Variants in STYXL1 observed in about 807,000 individuals in gnomAD.
The protein encoded by STYXL1 is serine/threonine/tyrosine-interacting-like protein 1.
In STYXL1, 32 loss-of-function variants were observed where a neutral mutation model predicts 36.4. The observed-to-expected ratio is 0.88, with a 90% CI of 0.66 to 1.18. The LOEUF (loss-of-function observed/expected upper bound fraction) is 1.18, where lower values mean the gene tolerates loss of function less well. STYXL1 is among the 50% of genes most tolerant of loss of function. The pLI is 0.00. For synonymous variants in STYXL1, 133 were observed against 144.1 expected (o/e 0.92, Z 0.55); for missense variants, 354 against 394.1 (o/e 0.90, Z 0.86).
chr7:76,014,284 A>G (rs1792979456), intron 4 of STYXL1, among the ~76,000 whole-genome samples: 1 of 151,696 alleles, frequency 6.6e-6, no homozygotes, highest in Non-Finnish European at 1.5e-5. Context: ...TTGAAATGCA[A>G]TTATTTAGGA....
intron 5 of STYXL1, among the ~76,000 whole-genome samples, chr7:76,006,357 G>A (rs373674532): frequency 2.0e-5 from 3 of 152,086 alleles, no homozygotes; most frequent in African/African-American, 7.2e-5. Context: ...GGATACACAT[G>A]TGAGCCACCC....
At chr7:76,006,958 T>C (rs1554570596) in intron 5 of STYXL1, among the ~76,000 whole-genome samples, 1 of 152,156 alleles carries the variant, frequency 6.6e-6, no homozygotes, top group African/African-American at 2.4e-5. Context: ...CATCCATATA[T>C]TCAAGCAACC....
chr7:76,016,089 C>T (rs1554573700), intron 4 of STYXL1, among the ~76,000 whole-genome samples: 4 of 152,016 alleles, frequency 2.6e-5, no homozygotes, highest in African/African-American at 9.7e-5. Flanking sequence ...TATAGATACA[C>T]ATGTATCTAC....
intron 3 of STYXL1, among the ~76,000 whole-genome samples, chr7:76,023,962 G>A (rs893066167): frequency 6.6e-6 from 1 of 152,062 alleles, no homozygotes; most frequent in African/African-American, 2.4e-5. Flanking sequence ...GCAGTGAGCC[G>A]AGATCGCGTC....
At chr7:76,025,842 C>T (rs1442979036) in intron 3 of STYXL1, among the ~76,000 whole-genome samples, 1 of 151,692 alleles carries the variant, frequency 6.6e-6, no homozygotes, top group Non-Finnish European at 1.5e-5. Context: ...GGGAAATATC[C>T]TGGAAAAATA....
Position 76,013,850 on chromosome 7 carries a change from G to C in STYXL1, c.345C>G (p.Ile115Met). ...CGGGGTGGTGGGTGAGGCGGGTCAG[G>C]ATCCTGCCATACTCAATGGCTGCTT... Reference protein sequence around the residue: ...VPQAAIEYGRILTRLTHHPVY... With the variant: ...VPQAAIEYGRMLTRLTHHPVY... Residue 115 changes from isoleucine to methionine, a missense_variant, in exon 5 of 9, where the codon ATC becomes ATG. By Grantham distance (10) the Ile-to-Met change is conservative (BLOSUM62 1). Coordinates refer to ENST00000359697, the MANE Select transcript of STYXL1 (RefSeq NM_001317785.2). 1 of 1,613,932 alleles carries C rather than the reference G, an allele frequency of 6.2e-7. No homozygotes were observed. The highest frequency in any genetic ancestry group is 8.5e-7 in the Non-Finnish European group (1 of 1,179,914).
intron 1 of STYXL1, among the ~76,000 whole-genome samples, chr7:76,030,778 G>A (rs540064040): frequency 6.6e-5 from 10 of 150,584 alleles, no homozygotes; most frequent in African/African-American, 1.7e-4. Flanking sequence ...TTGGGAGGCC[G>A]AGGCGGGTGG....
chr7:76,023,605 T>G (rs557621842), intron 3 of STYXL1, among the ~76,000 whole-genome samples: 6 of 152,202 alleles, frequency 3.9e-5, no homozygotes, highest in African/African-American at 4.8e-5. Context: ...GGTGCACATG[T>G]AGTCCCAGCT....
intron 5 of STYXL1, among the ~76,000 whole-genome samples, chr7:76,011,400 A>T (rs1792537104): frequency 6.6e-6 from 1 of 152,226 alleles, no homozygotes; most frequent in Admixed American, 6.5e-5. Context: ...CTTTATAATA[A>T]CCATAACAAT....
intron 3 of STYXL1, among the ~76,000 whole-genome samples, chr7:76,023,313 T>G (rs1554576742): frequency 6.6e-6 from 1 of 152,088 alleles, no homozygotes; most frequent in African/African-American, 2.4e-5. Context: ...CAATTCTGAT[T>G]GGCTCAGCTT....
Position 76,046,276 on chromosome 7 carries a change from G to C in STYXL1, c.-5+1386C>G, listed in dbSNP as rs28634426. 5.8e-3 allele frequency among the ~76,000 whole-genome samples: 438 copies of C among 75,688 alleles called. 4 individuals are homozygous for C. The highest frequency in any genetic ancestry group is 0.018 in the African/African-American group (403 of 23,004). The allele number at this position is 75,688 out of a possible 152,430, so 49.7% of individuals were successfully genotyped here. ...TCCAGCATGTCTCAGCTTATCTGCT[G>C]TGTGTGTGTGTGTGTGTGTGTGTGT... On this transcript the variant is annotated intron_variant, in intron 1 of 8. Coordinates refer to ENST00000359697, the MANE Select transcript of STYXL1 (RefSeq NM_001317785.2).
At position 76,000,937 on chromosome 7, in the gene STYXL1, C is replaced by T; in HGVS notation, c.763G>A (p.Ala255Thr). The T allele has an allele frequency of 6.2e-7, 1 of 1,614,176 alleles. No individual in the cohort carries two copies. The highest frequency in any genetic ancestry group is 8.5e-7 in the Non-Finnish European group (1 of 1,180,024). The change falls in exon 8 of 9, where the codon GCC becomes ACC. Residue 255 changes from alanine (A) to threonine (T), a missense_variant. Ala to Thr is a moderately conservative substitution (Grantham distance 58). Coordinates refer to ENST00000359697, the MANE Select transcript of STYXL1 (RefSeq NM_001317785.2). ...TGCATGAGGTAGGCTATGATGGCGG[C>T]ACAACTGCGGCTGATACCTTGGGTG... The part of the protein sequence containing the change: ...FSTQGISRSC[A>T]AIIAYLMHSN...
intron 1 of STYXL1, among the ~76,000 whole-genome samples, chr7:76,046,339 T>TGTGC (rs1797056612): frequency 1.3e-4 from 6 of 44,934 alleles, no homozygotes; most frequent in African/African-American, 4.4e-4. Context: ...TGTGTGTGTG[T>TGTGC]GCGCGCGCGC....
chr7:76,044,746 C>A (rs1796785493), intron 1 of STYXL1: 1 of 152,250 alleles, frequency 6.6e-6, no homozygotes, highest in South Asian at 2.1e-4. Flanking sequence ...AATGCAGTGG[C>A]ACAATCATGG....
Position 75,999,523 on chromosome 7 carries a change from G to A in STYXL1, c.810+1367C>T, listed in dbSNP as rs1396823279. Among the ~76,000 whole-genome samples the A allele has an allele frequency of 2.3e-4, 29 of 127,270 alleles. 1 individual carries two copies. The highest frequency in any genetic ancestry group is 6.3e-4 in the East Asian group (3 of 4,728). The allele number at this position is 127,270 out of a possible 152,430, so 83.5% of individuals were successfully genotyped here. A position where few individuals can be genotyped will look rare whatever the true frequency, so the allele number is the denominator to read the frequency against. ...TGTGTGTGTGTGTATGTGTGTGTGTGTGTGTGTGTGTGTGTGTGTGTGTGT... is the reference window on the plus strand; with the variant it reads ...TGTGTGTGTGTGTATGTGTGTGTGTATGTGTGTGTGTGTGTGTGTGTGTGT... On this transcript the variant is annotated intron_variant, in intron 8 of 8. Coordinates refer to ENST00000359697, the MANE Select transcript of STYXL1 (RefSeq NM_001317785.2).
chr7:76,032,532 T>C (rs941154790), intron 1 of STYXL1, among the ~76,000 whole-genome samples: 1 of 151,476 alleles, frequency 6.6e-6, no homozygotes, highest in Non-Finnish European at 1.5e-5. Context: ...CAAAACTCCG[T>C]CTCTACTAAA....
At chr7:76,008,646 C>G (rs1792137494) in intron 5 of STYXL1, among the ~76,000 whole-genome samples, 1 of 152,176 alleles carries the variant, frequency 6.6e-6, no homozygotes, top group Non-Finnish European at 1.5e-5. Flanking sequence ...TGGGCTGCCC[C>G]TAACCCGGAT....
At chr7:76,043,318 T>C (rs1280179744) in intron 1 of STYXL1, among the ~76,000 whole-genome samples, 1 of 151,728 alleles carries the variant, frequency 6.6e-6, no homozygotes, top group African/African-American at 2.4e-5. Context: ...ATTTTTTGTA[T>C]TTGTAGAGAT....
chr7:76,031,632 T>TGCG, intron 1 of STYXL1, among the ~76,000 whole-genome samples: 1 of 151,568 alleles, frequency 6.6e-6, no homozygotes, highest in South Asian at 2.1e-4. Flanking sequence ...GGAGAATCAC[T>TGCG]TGAACCCGGG....
Sources: allele counts gnomAD v4.1 joint callset (sites outside exome capture counted in the v4.1 genomes callset), GRCh38; gene constraint gnomAD v4.1.1; transcripts MANE v1.5; gene names NCBI Gene and HGNC (gene_info 2026-07-23, HGNC 2026-07-21).